Variants in FHL2 observed in about 807,000 individuals in gnomAD.
FHL2 encodes four and a half LIM domains 2, also known as four and a half LIM domains protein 2.
FHL2 carries 20 observed loss-of-function variants against 32.7 expected under a neutral mutation model. The observed-to-expected ratio is 0.61, with a 90% CI of 0.43 to 0.89. The LOEUF is 0.89. FHL2 is among the 40% of genes least tolerant of loss of function. The probability of loss-of-function intolerance (pLI) is 0.00; values close to 1 mark genes in which losing one functional copy is unlikely to be tolerated. For missense variants in FHL2, 311 were observed against 358.6 expected (o/e 0.87, Z 1.07); for synonymous variants, 123 against 128.1 (o/e 0.96, Z 0.27).
chr2:105,361,509 G>T, intron 6 of FHL2, 75 bp from the exon 7 acceptor site: 3 of 1,385,870 alleles, frequency 2.2e-6, no homozygotes, highest in Non-Finnish European at 3.0e-6. Flanking sequence ...AGGAATTCTG[G>T]TTTGATCCAT....
At chr2:105,423,938 G>A (rs1473894715) in intron 1 of FHL2, among the ~76,000 whole-genome samples, 2 of 152,094 alleles carry the variant, frequency 1.3e-5, no homozygotes, top group Non-Finnish European at 2.9e-5. Context: ...AGAAAACCTA[G>A]GCAATACCAT....
chr2:105,364,858 A>C lies in FHL2; in HGVS notation c.502-1387T>G, dbSNP rs75885138. ...CTTGCCAAAGAATTCATAGCTGGTTAATGACGAAGCAGGAACTAGAATTCT... is the reference window on the plus strand; with the variant it reads ...CTTGCCAAAGAATTCATAGCTGGTTCATGACGAAGCAGGAACTAGAATTCT... On this transcript the variant is annotated intron_variant, in intron 5 of 6. Transcript: ENST00000530340. 6.4e-3 allele frequency among the ~76,000 whole-genome samples: 970 copies of C among 152,350 alleles called. 13 individuals carry two copies. Among genetic ancestry groups the C allele is most frequent in the African/African-American group, 0.022 (925 of 41,584 alleles).
intron 1 of FHL2, among the ~76,000 whole-genome samples, chr2:105,426,566 G>A (rs943636710): frequency 1.3e-5 from 2 of 152,190 alleles, no homozygotes; most frequent in Non-Finnish European, 2.9e-5. Context: ...CTGGAAGGCA[G>A]CCTTTGATGT....
At chr2:105,389,807 T>C (rs1682579810) in intron 2 of FHL2, 1 of 152,246 alleles carries the variant, frequency 6.6e-6, no homozygotes, top group African/African-American at 2.4e-5. Flanking sequence ...CCATTTATGT[T>C]GGCAGCTGGT....
rs567441366 is a variant in FHL2, at chr2:105,395,851, C to A, written c.-25+796G>T. Among the ~76,000 whole-genome samples, 4 of 152,278 alleles carry A rather than the reference C, an allele frequency of 2.6e-5. No homozygotes were observed. The South Asian group carries it at 8.3e-4, about 32-fold the overall frequency. ...TCTTGAAGCCGCAGACAGAATCAGG[C>A]TAGTAAAGGCGTGGGCCACCGAAGG... On this transcript the variant is annotated intron_variant, in intron 2 of 6. Transcript: ENST00000530340.
At chr2:105,426,294 C>G (rs930873121) in intron 1 of FHL2, among the ~76,000 whole-genome samples, 4 of 152,166 alleles carry the variant, frequency 2.6e-5, no homozygotes, top group African/African-American at 9.7e-5. Flanking sequence ...TCCCATCACC[C>G]CCAGCCCCAC....
intron 6 of FHL2, among the ~76,000 whole-genome samples, chr2:105,362,228 G>A (rs1433726346): frequency 1.3e-5 from 2 of 152,128 alleles, no homozygotes; most frequent in Non-Finnish European, 2.9e-5. Context: ...AAGATTCCAA[G>A]GGAAATCTGG....
At chr2:105,378,487 G>T in intron 3 of FHL2, 1 of 236,800 alleles carries the variant, frequency 4.2e-6, no homozygotes, top group East Asian at 1.2e-4. Context: ...CTTCAGGCTG[G>T]TGTAGAGTGG....
chr2:105,376,828 A>G (rs906035425), intron 3 of FHL2: 2 of 152,282 alleles, frequency 1.3e-5, no homozygotes, highest in Non-Finnish European at 2.9e-5. Context: ...AATTTTATTC[A>G]GCCTTAGAAA....
At chr2:105,394,702 G>A (rs180977930) in intron 2 of FHL2, among the ~76,000 whole-genome samples, 16 of 152,156 alleles carry the variant, frequency 1.1e-4, no homozygotes, top group African/African-American at 3.6e-4. Context: ...ATCTTAGTTT[G>A]TAAGGTATAA....
In FHL2 at chr2:105,396,711, A is replaced by G. The variant is rs1341096492; in HGVS notation, c.-75-14T>C. 1.2e-6 allele frequency: 2 copies of G among 1,612,364 alleles called. No individual in the cohort carries two copies. The highest frequency in any genetic ancestry group is 1.7e-6 in the Non-Finnish European group (2 of 1,179,684). ...AGTTCTCAGCCACTAGAGAAAGCACACGTGTTTTGTTTCAGATGGTCATCT... is the reference window on the plus strand; with the variant it reads ...AGTTCTCAGCCACTAGAGAAAGCACGCGTGTTTTGTTTCAGATGGTCATCT... On this transcript the variant is annotated splice_polypyrimidine_tract_variant and intron_variant, in intron 1 of 6. Coordinates refer to ENST00000530340, the MANE Select transcript of FHL2 (RefSeq NM_001318895.3).
At position 105,399,041 on chromosome 2, in the gene FHL2, G is replaced by C. The variant is rs1452050200; in HGVS notation, c.-275C>G. On this transcript the variant is annotated 5_prime_UTR_variant, in exon 1 of 7. Transcript: ENST00000530340. ...GGCGGCTGGTGGCTGCGGCTCCGCTGCCGGCCGAGTGGAGCGCTGCGCAGC... is the reference window on the plus strand; with the variant it reads ...GGCGGCTGGTGGCTGCGGCTCCGCTCCCGGCCGAGTGGAGCGCTGCGCAGC... The C allele has an allele frequency of 1.3e-5, 19 of 1,496,266 alleles. No individual in the cohort carries two copies. Among genetic ancestry groups the C allele is most frequent in the Non-Finnish European group, 1.6e-5 (18 of 1,125,448 alleles). The allele number at this position is 1,496,266 out of a possible 1,614,324, so 92.7% of individuals were successfully genotyped here.
At chr2:105,412,282 AACAGG>A (rs1336670564) in intron 1 of FHL2, among the ~76,000 whole-genome samples, 2 of 152,236 alleles carry the variant, frequency 1.3e-5, no homozygotes, top group African/African-American at 4.8e-5. Flanking sequence ...CACATGCTCC[AACAGG>A]GATGGACCTT....
chr2:105,398,884 C>G lies in FHL2; in HGVS notation c.-118G>C. The stretch of plus-strand genomic sequence containing the variant: ...GCTCTGCTCCCCTCTCCTTGGGTCT[C>G]GCACCGGATTCGGCCCCCACTTCCG... On this transcript the variant is annotated 5_prime_UTR_variant, in exon 1 of 7. Transcript: ENST00000530340. The G allele has an allele frequency of 6.6e-7, 1 of 1,518,350 alleles. No homozygotes were observed. The highest frequency in any genetic ancestry group is 8.8e-7 in the Non-Finnish European group (1 of 1,136,696). 94.1% of individuals were successfully genotyped at this position (1,518,350 alleles called of 1,614,324 possible). A position where few individuals can be genotyped will look rare whatever the true frequency, so the allele number is the denominator to read the frequency against.
intron 1 of FHL2, among the ~76,000 whole-genome samples, chr2:105,429,944 C>A (rs1347560365): frequency 6.6e-6 from 1 of 152,068 alleles, no homozygotes; most frequent in African/African-American, 2.4e-5. Context: ...TGCAAGTGAC[C>A]GACAAGGTTA....
At chr2:105,422,646 CAA>C (rs10715306) in intron 1 of FHL2, among the ~76,000 whole-genome samples, 6,320 of 113,932 alleles carry the variant, frequency 0.055, 367 homozygotes, top group African/African-American at 0.17. Flanking sequence ...TCATCTCTGG[CAA>C]AAAAAAAAAA....
chr2:105,384,441 C>T (rs34861418), intron 3 of FHL2, among the ~76,000 whole-genome samples: 22,946 of 152,058 alleles, frequency 0.15, 2,138 homozygotes, highest in Non-Finnish European at 0.21. Context: ...AGTACGAGTG[C>T]GAGTGCAAGG....
At chr2:105,411,135 C>A (rs1683776111) in intron 1 of FHL2, among the ~76,000 whole-genome samples, 1 of 152,156 alleles carries the variant, frequency 6.6e-6, no homozygotes, top group Non-Finnish European at 1.5e-5. Context: ...GTGTGCATAA[C>A]CACCATCGCT....
chr2:105,384,865 C>G (rs1183647068), intron 3 of FHL2, among the ~76,000 whole-genome samples: 1 of 152,138 alleles, frequency 6.6e-6, no homozygotes, highest in Admixed American at 6.6e-5. Flanking sequence ...AGTAACTGAC[C>G]CAAGGCCACA....
Sources: allele counts gnomAD v4.1 joint callset (sites outside exome capture counted in the v4.1 genomes callset), GRCh38; gene constraint gnomAD v4.1.1; transcripts MANE v1.5; gene names NCBI Gene and HGNC (gene_info 2026-07-23, HGNC 2026-07-21).